NEGR1: variants seen among roughly 807,000 people sequenced by gnomAD.
The protein encoded by NEGR1 is IgLON family member 4.
In NEGR1, 10 loss-of-function variants were observed where a neutral mutation model predicts 40.9. The observed-to-expected ratio is 0.24, with a 90% CI of 0.15 to 0.42. NEGR1 has a LOEUF of 0.42. NEGR1 is among the 10% of genes least tolerant of loss of function. The probability of loss-of-function intolerance (pLI) is 1.00; values close to 1 mark genes in which losing one functional copy is unlikely to be tolerated. For synonymous variants in NEGR1, 185 were observed against 166.8 expected (o/e 1.11, Z -0.84); for missense variants, 352 against 438.9 (o/e 0.80, Z 1.77).
At chr1:71,646,060 T>C (rs536470417) in intron 4 of NEGR1, among the ~76,000 whole-genome samples, 1 of 151,848 alleles carries the variant, frequency 6.6e-6, no homozygotes. Context: ...ACCATGACAA[T>C]ATTTTAGTCT....
intron 1 of NEGR1, among the ~76,000 whole-genome samples, chr1:72,261,641 G>A (rs1029226125): frequency 6.6e-6 from 1 of 151,998 alleles, no homozygotes; most frequent in African/African-American, 2.4e-5. Context: ...CATAAAGCAT[G>A]CAAGGTCCCT....
intron 1 of NEGR1, among the ~76,000 whole-genome samples, chr1:72,236,058 G>T (rs1463531617): frequency 6.6e-6 from 1 of 151,816 alleles, no homozygotes; most frequent in African/African-American, 2.4e-5. Context: ...GATAGACTGG[G>T]TAAAGAAAAT....
intron 1 of NEGR1, among the ~76,000 whole-genome samples, chr1:72,189,249 T>A (rs1311514733): frequency 2.0e-5 from 3 of 151,556 alleles, no homozygotes; most frequent in Non-Finnish European, 4.4e-5. Flanking sequence ...AGCCAAACAA[T>A]GTAGCAATTA....
chr1:71,550,937 G>A (rs1648055685), intron 6 of NEGR1, among the ~76,000 whole-genome samples: 1 of 151,558 alleles, frequency 6.6e-6, no homozygotes, highest in Non-Finnish European at 1.5e-5. Flanking sequence ...CATCTCTTAA[G>A]AATAACTTAG....
intron 5 of NEGR1, among the ~76,000 whole-genome samples, chr1:71,602,149 T>A (rs1649941556): frequency 6.6e-6 from 1 of 152,026 alleles, no homozygotes; most frequent in African/African-American, 2.4e-5. Context: ...TTATACCTGA[T>A]TTCATATCCT....
At chr1:71,907,914 T>C (rs1661321422) in intron 2 of NEGR1, among the ~76,000 whole-genome samples, 1 of 152,076 alleles carries the variant, frequency 6.6e-6, no homozygotes, top group Admixed American at 6.6e-5. Flanking sequence ...GAAAACCAAG[T>C]ACTACATGTT....
intron 1 of NEGR1, among the ~76,000 whole-genome samples, chr1:72,021,427 CA>C (rs1385776863): frequency 1.3e-5 from 2 of 151,950 alleles, no homozygotes; most frequent in African/African-American, 2.4e-5. Flanking sequence ...GAAATTAATG[CA>C]TTTGAAATTC....
chr1:72,174,953 C>A (rs9701511), intron 1 of NEGR1, among the ~76,000 whole-genome samples: 2 of 151,682 alleles, frequency 1.3e-5, no homozygotes, highest in Admixed American at 6.6e-5. Flanking sequence ...ATGATATTTT[C>A]TTTTTATTTT....
At chr1:72,270,712 T>C (rs1033478941) in intron 1 of NEGR1, among the ~76,000 whole-genome samples, 1 of 151,854 alleles carries the variant, frequency 6.6e-6, no homozygotes, top group Admixed American at 6.6e-5. Flanking sequence ...CTCACTTATG[T>C]CCTCAATGTT....
At chr1:71,552,137 T>C (rs771289244) in intron 6 of NEGR1, among the ~76,000 whole-genome samples, 2 of 151,488 alleles carry the variant, frequency 1.3e-5, no homozygotes, top group African/African-American at 4.8e-5. Flanking sequence ...CTTCATATCA[T>C]CACTTGATAT....
At chr1:72,147,778 G>A (rs1408829697) in intron 1 of NEGR1, among the ~76,000 whole-genome samples, 3 of 152,210 alleles carry the variant, frequency 2.0e-5, no homozygotes, top group East Asian at 1.9e-4. Context: ...GGGAGAAATT[G>A]GCCAAAACAA....
chr1:72,042,206 T>C (rs1348491084), intron 1 of NEGR1, among the ~76,000 whole-genome samples: 1 of 151,570 alleles, frequency 6.6e-6, no homozygotes, highest in South Asian at 2.1e-4. Flanking sequence ...AAGGTGGTCA[T>C]GTTGGAATTT....
At chr1:72,023,733 T>C (rs1264156646) in intron 1 of NEGR1, among the ~76,000 whole-genome samples, 1 of 151,954 alleles carries the variant, frequency 6.6e-6, no homozygotes, top group Non-Finnish European at 1.5e-5. Flanking sequence ...AAGGCTTTCA[T>C]ATACACTGGG....
At chr1:71,501,316 T>G (rs919754880) in intron 6 of NEGR1, among the ~76,000 whole-genome samples, 1 of 152,158 alleles carries the variant, frequency 6.6e-6, no homozygotes, top group Admixed American at 6.6e-5. Context: ...TTGTTATGCA[T>G]TAATTGTGAT....
chr1:71,894,439 A>G lies in NEGR1; in HGVS notation c.409+40640T>C, dbSNP rs369577262. ...ATGACAATATTTCCATTTATTCAGCAGTTACTAGGCAAAAAGCACTATAAC... is the reference window on the plus strand; with the variant it reads ...ATGACAATATTTCCATTTATTCAGCGGTTACTAGGCAAAAAGCACTATAAC... On this transcript the variant is annotated intron_variant, in intron 2 of 6. Transcript: ENST00000357731. Among the ~76,000 whole-genome samples, 78 of 152,300 alleles carry G rather than the reference A, an allele frequency of 5.1e-4. No homozygotes were observed. The South Asian group carries it at 0.015, about 28-fold the overall frequency.
At chr1:72,027,985 A>G (rs935049315) in intron 1 of NEGR1, among the ~76,000 whole-genome samples, 3 of 152,204 alleles carry the variant, frequency 2.0e-5, no homozygotes, top group African/African-American at 7.2e-5. Context: ...CAACACCTGT[A>G]CTTACAATAC....
At chr1:71,409,426 A>T (rs558544770) in intron 6 of NEGR1, among the ~76,000 whole-genome samples, 1 of 152,044 alleles carries the variant, frequency 6.6e-6, no homozygotes, top group Non-Finnish European at 1.5e-5. Flanking sequence ...AAGCAAAGGT[A>T]AATTATTTTT....
intron 1 of NEGR1, chr1:72,274,799 T>G: frequency 6.9e-7 from 1 of 1,459,718 alleles, no homozygotes; most frequent in East Asian, 2.3e-5. Context: ...AAAGATCGGG[T>G]AGAAAAAGTG....
intron 6 of NEGR1, among the ~76,000 whole-genome samples, chr1:71,498,776 A>C (rs187017367): frequency 6.6e-6 from 1 of 152,272 alleles, no homozygotes; most frequent in East Asian, 1.9e-4. Flanking sequence ...GTGCATACTC[A>C]TGACCACTCA....
Sources: gnomAD v4.1 joint callset for allele counts (sites outside exome capture counted in the v4.1 genomes callset) on GRCh38, gnomAD v4.1.1 for gene constraint, MANE v1.5 for transcripts, NCBI Gene and HGNC (gene_info 2026-07-23, HGNC 2026-07-21) for gene names.